SAMSN1: variants seen among roughly 807,000 people sequenced by gnomAD.
SAMSN1 encodes SAM domain, SH3 domain and nuclear localization signals 1, also known as SAM domain-containing protein SAMSN-1.
SAMSN1 carries 31 observed loss-of-function variants against 42.0 expected under a neutral mutation model. The observed-to-expected ratio is 0.74, with a 90% CI of 0.55 to 1.00. The LOEUF is 1.00. SAMSN1 is among the 50% of genes least tolerant of loss of function. SAMSN1 has a pLI of 0.00. For missense variants in SAMSN1, 464 were observed against 439.4 expected (o/e 1.06, Z -0.50); for synonymous variants, 178 against 151.9 (o/e 1.17, Z -1.26).
chr21:14,545,629 G>C (rs187067687), intron 1 of SAMSN1, among the ~76,000 whole-genome samples: 1 of 152,076 alleles, frequency 6.6e-6, no homozygotes, highest in East Asian at 1.9e-4. Flanking sequence ...AGTATATGGT[G>C]TTTTGATGCT....
chr21:14,606,622 T>G (rs896624140), intron 5 of SAMSN1, among the ~76,000 whole-genome samples: 3 of 152,186 alleles, frequency 2.0e-5, no homozygotes, highest in African/African-American at 7.2e-5. Flanking sequence ...ACAATTAACC[T>G]GAATTATAGA....
intron 4 of SAMSN1, among the ~76,000 whole-genome samples, chr21:14,511,467 T>C (rs1054900236): frequency 1.3e-5 from 2 of 152,164 alleles, no homozygotes; most frequent in Non-Finnish European, 1.5e-5. Flanking sequence ...ATTTCATACA[T>C]GCAAAAAACA....
rs142018281 is a variant in SAMSN1, at chr21:14,632,514, T to C, written c.156+10488A>G. Among the ~76,000 whole-genome samples, 127 of 152,312 alleles carry C rather than the reference T, an allele frequency of 8.3e-4. 2 individuals are homozygous for C. In the South Asian group the frequency reaches 0.011, roughly 13 times the overall value. On this transcript the variant is annotated intron_variant, in intron 2 of 15. Coordinates refer to the SAMSN1 transcript ENST00000647101. ...AAATAATTGCATTTGCATAATTGTA[T>C]TTGTATAATTATTTGTATAATTGTA...
intron 2 of SAMSN1, among the ~76,000 whole-genome samples, chr21:14,557,295 C>T (rs1235652479): frequency 3.9e-5 from 6 of 152,308 alleles, no homozygotes; most frequent in Admixed American, 6.5e-5. Flanking sequence ...GAGAAAATAA[C>T]ATTTCCTCAT....
At chr21:14,637,592 A>G (rs560953554) in intron 2 of SAMSN1, among the ~76,000 whole-genome samples, 1 of 152,300 alleles carries the variant, frequency 6.6e-6, no homozygotes, top group South Asian at 2.1e-4. Context: ...TTCAGCTGCT[A>G]TTGAGAATGA....
chr21:14,633,865 T>C (rs917135268), intron 2 of SAMSN1, among the ~76,000 whole-genome samples: 7 of 152,170 alleles, frequency 4.6e-5, no homozygotes, highest in Admixed American at 2.0e-4. Context: ...TGCTGAGCTC[T>C]AACCAACTGT....
upstream of SAMSN1, among the ~76,000 whole-genome samples, chr21:14,549,444 T>G (rs1377009732): frequency 6.6e-6 from 1 of 152,110 alleles, no homozygotes; most frequent in Non-Finnish European, 1.5e-5. Context: ...GCTCTAATAG[T>G]TAAAACTTCT....
At chr21:14,607,182 T>C (rs2123314894) in intron 5 of SAMSN1, among the ~76,000 whole-genome samples, 1 of 152,324 alleles carries the variant, frequency 6.6e-6, no homozygotes, top group Non-Finnish European at 1.5e-5. Flanking sequence ...TGATGTACTT[T>C]CCTATCTTTA....
chr21:14,544,190 A>G (rs764809319), intron 1 of SAMSN1, among the ~76,000 whole-genome samples: 12 of 152,154 alleles, frequency 7.9e-5, no homozygotes, highest in African/African-American at 1.4e-4. Flanking sequence ...AGCTGGTACT[A>G]CATGCACGTG....
chr21:14,591,338 T>C (rs911769561), intron 7 of SAMSN1: 2 of 152,194 alleles, frequency 1.3e-5, no homozygotes, highest in Non-Finnish European at 2.9e-5. Context: ...ACCTAATTTA[T>C]TACTGAGGAC....
intron 6 of SAMSN1, among the ~76,000 whole-genome samples, chr21:14,598,562 G>A (rs1982339022): frequency 6.6e-6 from 1 of 152,096 alleles, no homozygotes; most frequent in Non-Finnish European, 1.5e-5. Flanking sequence ...TTTATCCCGG[G>A]CTAACTATGC....
At position 14,656,799 on chromosome 21, in the gene SAMSN1, A is replaced by C. The variant is rs548565415; in HGVS notation, c.24+1949T>G. Reference sequence around the variant, plus strand: ...ATTTACAATTTTCCCCTACACTTAAATAAAAGATGTTTAACTCTTTCATTC... The same window carrying C: ...ATTTACAATTTTCCCCTACACTTAACTAAAAGATGTTTAACTCTTTCATTC... On this transcript the variant is annotated intron_variant, in intron 1 of 15. Coordinates refer to the SAMSN1 transcript ENST00000647101. 2.0e-5 allele frequency among the ~76,000 whole-genome samples: 3 copies of C among 151,988 alleles called. No individual in the cohort carries two copies. The East Asian group carries it at 5.8e-4, about 29-fold the overall frequency.
At chr21:14,539,575 C>A (rs1014911618) in intron 1 of SAMSN1, among the ~76,000 whole-genome samples, 124 of 151,700 alleles carry the variant, frequency 8.2e-4, no homozygotes, top group African/African-American at 2.9e-3. Flanking sequence ...AAATAGGAAT[C>A]CAACTTACAA....
chr21:14,547,262 G>C (rs1198522607), upstream of SAMSN1, among the ~76,000 whole-genome samples: 1 of 152,132 alleles, frequency 6.6e-6, no homozygotes, highest in Non-Finnish European at 1.5e-5. Context: ...ATATGTCTTT[G>C]TGCTACAAAC....
At chr21:14,547,405 T>C (rs1980448723), upstream of SAMSN1, among the ~76,000 whole-genome samples, 1 of 152,178 alleles carries the variant, frequency 6.6e-6, no homozygotes, top group Admixed American at 6.5e-5. Flanking sequence ...TTCCCCATGG[T>C]TTAAAAATGT....
Position 14,500,627 on chromosome 21 carries a change from C to T in SAMSN1, c.670G>A (p.Glu224Lys). The T allele has an allele frequency of 6.2e-7, 1 of 1,614,118 alleles. No individual in the cohort carries two copies. The highest frequency in any genetic ancestry group is 8.5e-7 in the Non-Finnish European group (1 of 1,180,012). The change falls in exon 6 of 8, where the codon GAA becomes AAA. Residue 224 changes from glutamate to lysine, a missense_variant. By Grantham distance (56) the Glu-to-Lys change is moderately conservative. Transcript: ENST00000400566. ...ATTTTCTTGGGGGCTGCTTCCTCTT[C>T]TGAGATGACATCCACATAAATGAAT... ...FKFIYVDVIS[E>K]EEAAPKKIKA...
At chr21:14,627,871 G>A (rs1346250495) in intron 2 of SAMSN1, among the ~76,000 whole-genome samples, 11 of 152,052 alleles carry the variant, frequency 7.2e-5, no homozygotes, top group Admixed American at 5.9e-4. Context: ...AGTTAACTAC[G>A]AGGATAAGTG....
chr21:14,559,322 C>G (rs549698721), intron 2 of SAMSN1, among the ~76,000 whole-genome samples: 2 of 152,132 alleles, frequency 1.3e-5, no homozygotes, highest in Non-Finnish European at 2.9e-5. Context: ...TGAGCAGAAT[C>G]CACTCAGTAG....
chr21:14,658,904 C>A, upstream of SAMSN1: 1 of 641,334 alleles, frequency 1.6e-6, no homozygotes, highest in South Asian at 1.8e-5. Context: ...TGCCATAATC[C>A]AGGGGATTCA....
Sources: allele counts gnomAD v4.1 joint callset (sites outside exome capture counted in the v4.1 genomes callset), GRCh38; gene constraint gnomAD v4.1.1; transcripts MANE v1.5; gene names NCBI Gene and HGNC (gene_info 2026-07-23, HGNC 2026-07-21).